Variants in ITCH observed in about 807,000 individuals in gnomAD.
ITCH encodes itchy E3 ubiquitin protein ligase.
A neutral mutation model predicts 126.8 loss-of-function variants in ITCH; 28 were observed. That is an observed-to-expected ratio of 0.22 (90% CI 0.16 to 0.30). ITCH has a LOEUF of 0.30. Among genes scored for constraint, ITCH ranks in the 10% least tolerant of loss-of-function variants. The probability of loss-of-function intolerance (pLI) is 1.00; values close to 1 mark genes in which losing one functional copy is unlikely to be tolerated. For synonymous variants in ITCH, 342 were observed against 340.0 expected (o/e 1.01, Z -0.06); for missense variants, 631 against 1,032.4 (o/e 0.61, Z 5.33).
chr20:34,440,963 A>AT (rs1983676194), intron 9 of ITCH, among the ~76,000 whole-genome samples: 1 of 151,804 alleles, frequency 6.6e-6, no homozygotes, highest in Non-Finnish European at 1.5e-5. Flanking sequence ...ATATCAAACT[A>AT]TTTTTTTCAT....
intron 12 of ITCH, among the ~76,000 whole-genome samples, chr20:34,456,645 T>C (rs6058049): frequency 7.2e-6 from 1 of 139,794 alleles, no homozygotes; most frequent in Non-Finnish European, 1.5e-5. Context: ...AAAAAAAAAA[T>C]ATATATATAT....
intron 7 of ITCH, among the ~76,000 whole-genome samples, chr20:34,435,459 G>T (rs1202331438): frequency 6.6e-6 from 1 of 152,162 alleles, no homozygotes; most frequent in Admixed American, 6.5e-5. Flanking sequence ...GTGAGCCACT[G>T]CAGCCGGCCG....
chr20:34,491,836 C>G (rs1989538103), intron 22 of ITCH, among the ~76,000 whole-genome samples: 1 of 152,080 alleles, frequency 6.6e-6, no homozygotes, highest in Non-Finnish European at 1.5e-5. Flanking sequence ...ATACCAAAAC[C>G]TAAAGAACAT....
At chr20:34,470,372 C>T (rs1014396349) in intron 15 of ITCH, among the ~76,000 whole-genome samples, 2 of 151,788 alleles carry the variant, frequency 1.3e-5, no homozygotes, top group African/African-American at 4.8e-5. Context: ...CACTTGAGCT[C>T]AGGAGTTCAG....
At chr20:34,483,533 T>C (rs1017141949) in intron 20 of ITCH, among the ~76,000 whole-genome samples, 2 of 152,338 alleles carry the variant, frequency 1.3e-5, no homozygotes, top group African/African-American at 4.8e-5. Context: ...TGCTAAAACA[T>C]ACAAAGAGTC....
intron 2 of ITCH, among the ~76,000 whole-genome samples, chr20:34,378,023 C>CT (rs78903106): frequency 0.021 from 3,099 of 144,350 alleles, 133 homozygotes; most frequent in Admixed American, 0.1. Flanking sequence ...TCTCATGAAA[C>CT]TTTTTTTTTT....
intron 24 of ITCH, among the ~76,000 whole-genome samples, chr20:34,505,372 G>A (rs997256348): frequency 2.0e-5 from 3 of 151,886 alleles, no homozygotes; most frequent in Non-Finnish European, 2.9e-5. Flanking sequence ...TATTTATGAG[G>A]TTATGTAAGC....
intron 24 of ITCH, among the ~76,000 whole-genome samples, chr20:34,506,174 C>A (rs1990609484): frequency 6.6e-6 from 1 of 152,134 alleles, no homozygotes; most frequent in South Asian, 2.1e-4. Context: ...AACTGTCCTC[C>A]TACCTTAGCC....
intron 2 of ITCH, among the ~76,000 whole-genome samples, chr20:34,385,636 G>A (rs910376128): frequency 2.0e-5 from 3 of 152,152 alleles, no homozygotes; most frequent in African/African-American, 7.2e-5. Context: ...ACCAGCAAAT[G>A]AATGCTAAAA....
intron 10 of ITCH, among the ~76,000 whole-genome samples, chr20:34,444,217 A>G (rs1052906537): frequency 2.6e-5 from 4 of 152,154 alleles, no homozygotes; most frequent in Non-Finnish European, 4.4e-5. Flanking sequence ...AATCAACACA[A>G]TCAATTCTTT....
intron 3 of ITCH, among the ~76,000 whole-genome samples, chr20:34,407,633 C>A (rs372435256): frequency 1.3e-5 from 2 of 152,090 alleles, no homozygotes; most frequent in Non-Finnish European, 2.9e-5. Flanking sequence ...TTTACCATTC[C>A]TTCCTGTGCT....
chr20:34,477,020 C>T (rs374232283), intron 16 of ITCH, among the ~76,000 whole-genome samples: 9 of 152,006 alleles, frequency 5.9e-5, no homozygotes, highest in African/African-American at 1.7e-4. Context: ...TATCGGTTGC[C>T]GCTGAGAATG....
chr20:34,456,874 G>A (rs540639322), intron 12 of ITCH, among the ~76,000 whole-genome samples: 26 of 150,636 alleles, frequency 1.7e-4, no homozygotes, highest in African/African-American at 5.9e-4. Flanking sequence ...GAGCCACCCC[G>A]CCTGGCACCT....
At chr20:34,502,572 T>A (rs899477443) in intron 23 of ITCH, among the ~76,000 whole-genome samples, 1 of 146,778 alleles carries the variant, frequency 6.8e-6, no homozygotes, top group African/African-American at 2.5e-5. Flanking sequence ...TAGCCGGGTG[T>A]GGTAGTGGGC....
chr20:34,474,798 C>A (rs1266391819), intron 16 of ITCH, among the ~76,000 whole-genome samples: 1 of 151,034 alleles, frequency 6.6e-6, no homozygotes, highest in African/African-American at 2.4e-5. Context: ...GGGGGGCTGA[C>A]CCCCCCACCT....
chr20:34,445,978 T>C (rs1984401609), intron 11 of ITCH, among the ~76,000 whole-genome samples: 1 of 152,222 alleles, frequency 6.6e-6, no homozygotes, highest in Admixed American at 6.5e-5. Context: ...TAAATCTTTA[T>C]TATCTTTGAT....
chr20:34,460,749 G>T (rs981506260), intron 13 of ITCH, among the ~76,000 whole-genome samples: 4 of 152,156 alleles, frequency 2.6e-5, no homozygotes, highest in Admixed American at 6.5e-5. Flanking sequence ...GCCTTGTGTA[G>T]TGTCTCAACA....
At chr20:34,507,278 TTTTTTTTTTTTGG>T (rs1399434879) in intron 24 of ITCH, among the ~76,000 whole-genome samples, 4 of 88,586 alleles carry the variant, frequency 4.5e-5, no homozygotes, top group African/African-American at 1.6e-4. Flanking sequence ...TTTTTTTTTT[TTTTTTTTTTTTGG>T]TTGTTGTTGT....
chr20:34,470,579 C>T (rs930543715), intron 15 of ITCH, among the ~76,000 whole-genome samples: 1 of 151,874 alleles, frequency 6.6e-6, no homozygotes, highest in Non-Finnish European at 1.5e-5. Flanking sequence ...TAATTTTAAC[C>T]AGCTACTTTA....
Sources: allele counts gnomAD v4.1 joint callset (sites outside exome capture counted in the v4.1 genomes callset), GRCh38; gene constraint gnomAD v4.1.1; transcripts MANE v1.5; gene names NCBI Gene and HGNC (gene_info 2026-07-23, HGNC 2026-07-21).